G6PD: variants seen among roughly 807,000 people sequenced by gnomAD.
The protein encoded by G6PD is glucose-6-phosphate dehydrogenase, also known as glucose-6-phosphate 1-dehydrogenase.
A neutral mutation model predicts 38.2 loss-of-function variants in G6PD; 2 were observed. The observed-to-expected ratio is 0.05, with a 90% CI of 0.02 to 0.16. G6PD has a LOEUF of 0.16. Among genes scored for constraint, G6PD ranks in the 10% least tolerant of loss-of-function variants. The probability of loss-of-function intolerance (pLI) is 1.00; values close to 1 mark genes in which losing one functional copy is unlikely to be tolerated. For missense variants in G6PD, 310 were observed against 471.6 expected (o/e 0.66, Z 3.17); for synonymous variants, 188 against 196.0 (o/e 0.96, Z 0.34).
intron 2 of G6PD, among the ~76,000 whole-genome samples, chrX:154,537,630 C>G (rs144338477): frequency 2.1e-4 from 24 of 112,262 alleles, no homozygotes; most frequent in Non-Finnish European, 4.0e-4. Context: ...AAACAAAAAA[C>G]AGAGCAATGG....
chrX:154,541,887 G>A (rs782364872), intron 2 of G6PD, among the ~76,000 whole-genome samples: 2 of 112,341 alleles, frequency 1.8e-5, no homozygotes, highest in South Asian at 7.4e-4. Flanking sequence ...CACGATGCCT[G>A]CTGGAGGGCC....
At chrX:154,532,141 C>CGCCCCT in intron 12 of G6PD, 47 bp downstream of exon 12, 1 of 1,196,773 alleles carries the variant, frequency 8.4e-7, no homozygotes, top group South Asian at 1.8e-5. Context: ...ACCCTCACCC[C>CGCCCCT]GCCCCTGCCC....
chrX:154,537,514 C>T (rs2070424286), intron 2 of G6PD, among the ~76,000 whole-genome samples: 2 of 111,350 alleles, frequency 1.8e-5, no homozygotes, highest in Admixed American at 1.9e-4. Flanking sequence ...ACTCAGGAGG[C>T]TGAGGCAGGA....
chrX:154,546,652 G>A, intron 1 of G6PD, 137 bp downstream of exon 1: 2 of 530,806 alleles, frequency 3.8e-6, no homozygotes, highest in Non-Finnish European at 6.0e-6. Flanking sequence ...GAGGTGCGGG[G>A]TATAAAGGGA....
upstream of G6PD, chrX:154,547,195 C>G (rs1316991249): frequency 5.4e-6 from 2 of 372,947 alleles, no homozygotes; most frequent in African/African-American, 5.5e-5. Flanking sequence ...CGGCCTCGCG[C>G]GCTCGCGGAG....
At chrX:154,543,047 C>T (rs1196043881) in intron 2 of G6PD, among the ~76,000 whole-genome samples, 15 of 112,140 alleles carry the variant, frequency 1.3e-4, no homozygotes, top group African/African-American at 4.9e-4. Flanking sequence ...GCCTACCTCC[C>T]GCACCGAGTG....
intron 2 of G6PD, among the ~76,000 whole-genome samples, chrX:154,544,830 T>C (rs994336709): frequency 9.8e-5 from 11 of 112,233 alleles, no homozygotes; most frequent in Non-Finnish European, 1.9e-4. Context: ...AGGAGTAGGT[T>C]TGACAAAGTG....
At chrX:154,544,363 T>C (rs1474471722) in intron 2 of G6PD, among the ~76,000 whole-genome samples, 2 of 110,766 alleles carry the variant, frequency 1.8e-5, no homozygotes, top group East Asian at 2.8e-4. Flanking sequence ...GGTTTCACCA[T>C]GTTGGCCAGG....
intron 5 of G6PD, chrX:154,534,927 C>T (rs1413449559): frequency 1.6e-5 from 7 of 436,503 alleles, no homozygotes; most frequent in South Asian, 9.9e-5. Context: ...CCACCCAGCG[C>T]GGGCCATGCT....
At chrX:154,540,030 T>C (rs781902443) in intron 2 of G6PD, among the ~76,000 whole-genome samples, 7 of 109,616 alleles carry the variant, frequency 6.4e-5, no homozygotes, top group Non-Finnish European at 1.1e-4. Context: ...CCATGACATA[T>C]ATTTCAATAA....
Position 154,534,512 on chromosome X carries a change from A to G in G6PD, c.486-16T>C. ...GTTCCAGCCTCTGCTGGGAGCCCGGAGCTGCGTTACCCCCTTGAACCCCTC... is the reference window on the plus strand; with the variant it reads ...GTTCCAGCCTCTGCTGGGAGCCCGGGGCTGCGTTACCCCCTTGAACCCCTC... On this transcript the variant is annotated splice_polypyrimidine_tract_variant and intron_variant, in intron 5 of 12. Transcript: ENST00000393562. 8.3e-7 allele frequency: 1 copy of G among 1,209,945 alleles called. No homozygotes were observed. Among genetic ancestry groups the G allele is most frequent in the Non-Finnish European group, 1.1e-6 (1 of 895,198 alleles).
chrX:154,536,248 C>G (rs2070407622), intron 2 of G6PD, 70 bp from the exon 3 acceptor site: 1 of 1,027,907 alleles, frequency 9.7e-7, no homozygotes, highest in African/African-American at 1.9e-5. Context: ...CATCCTCCAC[C>G]CTTGGTGATC....
chrX:154,537,150 A>C, intron 2 of G6PD, among the ~76,000 whole-genome samples: 1 of 109,190 alleles, frequency 9.2e-6, no homozygotes, highest in Middle Eastern at 4.9e-3. Context: ...CCAAAAATAC[A>C]AAAAATTAGC....
intron 2 of G6PD, among the ~76,000 whole-genome samples, chrX:154,539,363 T>G (rs1247028393): frequency 3.6e-5 from 4 of 112,376 alleles, no homozygotes; most frequent in African/African-American, 1.3e-4. Flanking sequence ...CAACCCATTG[T>G]GACAGAAATC....
chrX:154,535,149 G>A lies in G6PD; in HGVS notation c.485+19C>T. Reference sequence around the variant, plus strand: ...GGCCAGCCTGGCAGGCGGGAAGGGAGGGCAACGGCAAGCCTTACATCTGGC... The same window carrying A: ...GGCCAGCCTGGCAGGCGGGAAGGGAAGGCAACGGCAAGCCTTACATCTGGC... On this transcript the variant is annotated intron_variant, in intron 5 of 12. Transcript: ENST00000393562. 8.3e-7 allele frequency: 1 copy of A among 1,202,029 alleles called. No individual in the cohort carries two copies. Among genetic ancestry groups the A allele is most frequent in the Non-Finnish European group, 1.1e-6 (1 of 887,706 alleles).
At position 154,532,965 on chromosome X, in the gene G6PD, T is replaced by C. The variant is rs782354645; in HGVS notation, c.1028A>G (p.Tyr343Cys). 5.0e-6 allele frequency: 6 copies of C among 1,211,363 alleles called. No individual in the cohort carries two copies. The highest frequency in any genetic ancestry group is 6.7e-6 in the Non-Finnish European group (6 of 895,302). ...ACCATCCCACCTCTCATTCTCCACA[T>C]AGAGGACGACGGCTGCAAAAGTGGC... is the stretch of plus-strand genomic sequence containing the variant. ...TTATFAAVVLYVENERWDGVP... is the reference protein window; with the variant it reads ...TTATFAAVVLCVENERWDGVP... The change falls in exon 9 of 13, where the codon TAT becomes TGT. Residue 343 changes from tyrosine (Y) to cysteine (C), a missense_variant. Around this residue, in one of 4 missense-constraint regions of G6PD, gnomAD observed 168 missense variants for 309.2 expected, o/e 0.54. Transcript: ENST00000393562.
At chrX:154,544,319 G>A (rs1470137367) in intron 2 of G6PD, among the ~76,000 whole-genome samples, 1 of 109,470 alleles carries the variant, frequency 9.1e-6, no homozygotes, top group South Asian at 3.9e-4. Context: ...GCACCACCAC[G>A]CCCAGCTAAT....
chrX:154,535,161 G>C lies in G6PD; in HGVS notation c.485+7C>G, dbSNP rs2070392557. 8.3e-7 allele frequency: 1 copy of C among 1,206,736 alleles called. No individual in the cohort carries two copies. ...AGGCGGGAAGGGAGGGCAACGGCAA[G>C]CCTTACATCTGGCTCATGCAGGACT... On this transcript the variant is annotated splice_region_variant and intron_variant, in intron 5 of 12. Transcript: ENST00000393562.
Position 154,532,460 on chromosome X carries a change from G to A in G6PD, c.1290C>T (p.Asn430=), listed in dbSNP as rs782761811. The stretch of plus-strand genomic sequence containing the variant: ...GCTCATAGGCGTCAGGGAGCTTCAC[G>A]TTCTGTGAGGGAGAGAGTGTCTTGC... ...LDLTYGNRYK[N]VKLPDAYERL... is the part of the protein sequence containing the mutation. The change falls in exon 11 of 13, where the codon AAC becomes AAT. Residue 430 remains asparagine (N), a splice_region_variant and synonymous_variant. Coordinates refer to ENST00000393562, the MANE Select transcript of G6PD (RefSeq NM_001360016.2). 2.2e-5 allele frequency: 27 copies of A among 1,210,956 alleles called. No homozygotes were observed. Among genetic ancestry groups the A allele is most frequent in the Non-Finnish European group, 2.9e-5 (26 of 894,929 alleles).
Sources: allele counts gnomAD v4.1 joint callset (sites outside exome capture counted in the v4.1 genomes callset), GRCh38; gene constraint gnomAD v4.1.1; regional missense constraint gnomAD v4.1.1; transcripts MANE v1.5; gene names NCBI Gene and HGNC (gene_info 2026-07-23, HGNC 2026-07-21).